Variants in KIAA2012 observed in about 807,000 individuals in gnomAD.
KIAA2012 encodes uncharacterized protein KIAA2012.
A neutral mutation model predicts 150.6 loss-of-function variants in KIAA2012; 125 were observed. That is an observed-to-expected ratio of 0.83 (90% confidence interval 0.72 to 0.96). KIAA2012 has a LOEUF of 0.96. Ranked by LOEUF, KIAA2012 falls within the 40% of genes least tolerant of loss-of-function variation. KIAA2012 has a pLI of 0.00. For missense variants in KIAA2012, 1,219 were observed against 1,354.9 expected (o/e 0.90, Z 1.57); for synonymous variants, 462 against 504.7 (o/e 0.92, Z 1.13).
rs1475145707 is a variant in KIAA2012 at position 202,138,401 on chromosome 2, G to A, written c.1832-31G>A. On this transcript the variant is annotated intron_variant, in intron 12 of 23. Coordinates refer to ENST00000498697, the MANE Select transcript of KIAA2012 (RefSeq NM_001277372.4). ...CATGAGATCCAGATCTGACCACCTT[G>A]ATCTTTTTTCCTCTTTGATTTTCAC... 2.0e-6 allele frequency: 3 copies of A among 1,513,614 alleles called. No homozygotes were observed. In the African/African-American group the frequency reaches 4.2e-5, roughly 21 times the overall value. The allele number at this position is 1,513,614 out of a possible 1,614,324, so 93.8% of individuals were successfully genotyped here. A position where few individuals can be genotyped will look rare whatever the true frequency, so the allele number is the denominator to read the frequency against.
intron 13 of KIAA2012, among the ~76,000 whole-genome samples, chr2:202,142,992 T>C (rs1281011531): frequency 6.6e-6 from 1 of 150,444 alleles, no homozygotes; most frequent in African/African-American, 2.5e-5. Flanking sequence ...CCCTCCCCAG[T>C]TGTGACAATC....
chr2:202,091,089 C>T (rs769695976), intron 3 of KIAA2012, among the ~76,000 whole-genome samples, 160 bp downstream of exon 3: 8 of 152,228 alleles, frequency 5.3e-5, no homozygotes, highest in Non-Finnish European at 8.8e-5. Context: ...GCCCCTTTCA[C>T]GGCTCCCGTC....
chr2:202,105,222 G>T (rs1240561825), intron 8 of KIAA2012, among the ~76,000 whole-genome samples: 2 of 149,956 alleles, frequency 1.3e-5, no homozygotes, highest in African/African-American at 4.9e-5. Flanking sequence ...AGGGAAGGAA[G>T]GGAAGAAAGG....
At position 202,190,366 on chromosome 2, in the gene KIAA2012, T is replaced by C; in HGVS notation, c.2684T>C (p.Leu895Pro). The C allele has an allele frequency of 6.4e-7, 1 of 1,550,670 alleles. No individual in the cohort carries two copies. Among genetic ancestry groups the C allele is most frequent in the Non-Finnish European group, 8.7e-7 (1 of 1,147,016 alleles). Residue 895 changes from leucine (L) to proline (P), a missense_variant, in exon 19 of 24, where the codon CTT becomes CCT. By Grantham distance (98) the Leu-to-Pro change is moderately conservative. Coordinates refer to ENST00000498697, the MANE Select transcript of KIAA2012 (RefSeq NM_001277372.4). ...GACTCCTTTGTAGAGGACCCTTGGCTTTCTCCCAAATATGATGCCCAGGAA... is the reference window on the plus strand; with the variant it reads ...GACTCCTTTGTAGAGGACCCTTGGCCTTCTCCCAAATATGATGCCCAGGAA... ...ASDSFVEDPW[L>P]SPKYDAQESQ...
At chr2:202,179,283 C>G (rs936503778) in intron 15 of KIAA2012, 5 of 1,168,768 alleles carry the variant, frequency 4.3e-6, no homozygotes, top group Non-Finnish European at 6.3e-6. Context: ...TGCTTTGGCT[C>G]TTCGGGTAAA....
At chr2:202,155,058 G>A (rs1322349434) in intron 14 of KIAA2012, among the ~76,000 whole-genome samples, 5 of 152,096 alleles carry the variant, frequency 3.3e-5, no homozygotes, top group African/African-American at 1.2e-4. Flanking sequence ...GGAACAGAGA[G>A]GAGAAAGAGT....
intron 21 of KIAA2012, 97 bp from the exon 22 acceptor site, chr2:202,196,703 G>T: frequency 6.8e-7 from 1 of 1,466,632 alleles, no homozygotes; most frequent in Non-Finnish European, 9.1e-7. Flanking sequence ...ATTTCTCACG[G>T]GGAGTCCTTC....
chr2:202,152,356 A>G (rs544546026), intron 13 of KIAA2012, among the ~76,000 whole-genome samples: 109 of 152,326 alleles, frequency 7.2e-4, no homozygotes, highest in Non-Finnish European at 1.3e-3. Flanking sequence ...TTATAGGTCA[A>G]GTGCTTTGGG....
chr2:202,098,890 A>G (rs963509306), intron 5 of KIAA2012, among the ~76,000 whole-genome samples: 3 of 151,794 alleles, frequency 2.0e-5, no homozygotes, highest in African/African-American at 7.3e-5. Flanking sequence ...CATCCTGAAT[A>G]AACTCATTTG....
intron 12 of KIAA2012, among the ~76,000 whole-genome samples, chr2:202,133,130 A>ATATATATATATATATTTTTTTTTTT (rs1279080237): frequency 1.5e-5 from 1 of 67,790 alleles, no homozygotes; most frequent in Non-Finnish European, 2.9e-5. Flanking sequence ...ATATATATAT[A>ATATATATATATATATTTTTTTTTTT]TTTTTTTTTT....
chr2:202,091,671 T>G (rs1326129840), intron 3 of KIAA2012, among the ~76,000 whole-genome samples: 1 of 152,184 alleles, frequency 6.6e-6, no homozygotes, highest in African/African-American at 2.4e-5. Flanking sequence ...TAAAAAAAAT[T>G]CATTGTTTAT....
At chr2:202,179,187 C>A (rs1183664354) in intron 15 of KIAA2012, 5 of 576,260 alleles carry the variant, frequency 8.7e-6, no homozygotes, top group Admixed American at 6.6e-5. Flanking sequence ...AGACCAGCAT[C>A]TGTGTCTATC....
intron 2 of KIAA2012, among the ~76,000 whole-genome samples, chr2:202,081,794 G>A (rs775360530): frequency 6.6e-6 from 1 of 152,062 alleles, no homozygotes; most frequent in Non-Finnish European, 1.5e-5. Flanking sequence ...TGATCTGCCT[G>A]CCTCAGCCTA....
At chr2:202,175,776 G>C (rs1244445324) in intron 15 of KIAA2012, among the ~76,000 whole-genome samples, 1 of 152,090 alleles carries the variant, frequency 6.6e-6, no homozygotes, top group Non-Finnish European at 1.5e-5. Context: ...AACAGACTAA[G>C]ATATTAGCCA....
chr2:202,160,578 G>T (rs1275122347), intron 14 of KIAA2012, among the ~76,000 whole-genome samples: 2 of 152,112 alleles, frequency 1.3e-5, no homozygotes, highest in Non-Finnish European at 2.9e-5. Context: ...CTCCCAAAGT[G>T]CTGGGATTAC....
At chr2:202,201,956 C>A in intron 22 of KIAA2012, 2 of 699,192 alleles carry the variant, frequency 2.9e-6, no homozygotes, top group Non-Finnish European at 5.1e-6. Flanking sequence ...CTGTTCGGAG[C>A]CACTTCATGT....
intron 23 of KIAA2012, among the ~76,000 whole-genome samples, chr2:202,203,476 A>C (rs1199222881): frequency 6.6e-6 from 1 of 152,232 alleles, no homozygotes; most frequent in Non-Finnish European, 1.5e-5. Context: ...TATAGATTCT[A>C]GAGCTGCACT....
chr2:202,188,288 TAAC>T (rs775177927), intron 18 of KIAA2012, 22 bp downstream of exon 18: 3 of 1,536,108 alleles, frequency 2.0e-6, no homozygotes, highest in Non-Finnish European at 2.6e-6. Flanking sequence ...TGCCTGCAAG[TAAC>T]AACCTGGAGA....
At chr2:202,107,102 G>A (rs991634279) in intron 9 of KIAA2012, among the ~76,000 whole-genome samples, 1 of 152,086 alleles carries the variant, frequency 6.6e-6, no homozygotes, top group Admixed American at 6.5e-5. Context: ...GTATGTTTGA[G>A]GTCACATAAC....
Sources: gnomAD v4.1 joint callset for allele counts (sites outside exome capture counted in the v4.1 genomes callset) on GRCh38, gnomAD v4.1.1 for gene constraint, MANE v1.5 for transcripts, NCBI Gene and HGNC (gene_info 2026-07-23, HGNC 2026-07-21) for gene names.